POLR3F: variants seen among roughly 807,000 people sequenced by gnomAD.
The protein encoded by POLR3F is DNA-directed RNA polymerase III subunit RPC6.
In POLR3F, 31 loss-of-function variants were observed where a neutral mutation model predicts 43.6. The ratio of observed to expected loss-of-function variants is 0.71; its 90% CI spans 0.53 to 0.96. The LOEUF (loss-of-function observed/expected upper bound fraction) is 0.96, where lower values mean the gene tolerates loss of function less well. Among genes scored for constraint, POLR3F ranks in the 40% least tolerant of loss-of-function variants. POLR3F has a pLI of 0.00. For synonymous variants in POLR3F, 114 were observed against 132.5 expected, an observed-to-expected ratio of 0.86 and a Z score of 0.96; for missense variants, 316 against 391.7, an observed-to-expected ratio of 0.81 and a Z score of 1.63.
chr20:18,478,742 C>G (rs6081158), intron 5 of POLR3F, among the ~76,000 whole-genome samples: 102,588 of 152,132 alleles, frequency 0.67, 36,279 homozygotes, highest in Non-Finnish European at 0.8. Context: ...ACATAAATCT[C>G]GTGCTGCCAA....
At position 18,467,465 on chromosome 20, in the gene POLR3F, C is replaced by T. The variant is rs1350567543; in HGVS notation, c.-42C>T. 3 of 1,611,396 alleles carry T rather than the reference C, an allele frequency of 1.9e-6. No homozygotes were observed. Among genetic ancestry groups the T allele is most frequent in the South Asian group, 2.2e-5 (2 of 91,042 alleles). The stretch of plus-strand genomic sequence containing the variant: ...GGTTCCCCGGCTTGCTACCGGGCTG[C>T]TCCGTGCATCTTTCCCCCCAGGCGT... On this transcript the variant is annotated 5_prime_UTR_variant, in exon 1 of 9. Coordinates refer to ENST00000377603, the MANE Select transcript of POLR3F (RefSeq NM_006466.4).
rs956720027 is a variant in POLR3F at position 18,467,412 on chromosome 20, C to A, written c.-95C>A. The A allele has an allele frequency of 2.9e-5, 40 of 1,388,156 alleles. No homozygotes were observed. The highest frequency in any genetic ancestry group is 6.9e-5 in the East Asian group (3 of 43,486). 86.0% of individuals were successfully genotyped at this position (1,388,156 alleles called of 1,614,324 possible). ...GAGGAAGAAGGCCCCTCGGCCTCAG[C>A]AGAGCGCTATCCTCCACTGGTTCCC... On this transcript the variant is annotated 5_prime_UTR_variant, in exon 1 of 9. Coordinates refer to ENST00000377603, the MANE Select transcript of POLR3F (RefSeq NM_006466.4).
rs1413876321 is a variant in POLR3F at position 18,480,425 on chromosome 20, A to G, written c.597A>G (p.Lys199=). 9 of 1,611,286 alleles carry G rather than the reference A, an allele frequency of 5.6e-6. No individual in the cohort carries two copies. The highest frequency in any genetic ancestry group is 7.6e-6 in the Non-Finnish European group (9 of 1,177,598). The change falls in exon 7 of 9, where the codon AAA becomes AAG. Residue 199 remains lysine, a synonymous_variant. Coordinates refer to ENST00000377603, the MANE Select transcript of POLR3F (RefSeq NM_006466.4). ...QSKAETARES[K]QNPMIQRNSS... is the part of the protein sequence containing the mutation. Reference sequence around the variant, plus strand: ...AGGCAGAAACAGCACGAGAAAGCAAACAGAACCCAATGATACAAAGAAATA... The same window carrying G: ...AGGCAGAAACAGCACGAGAAAGCAAGCAGAACCCAATGATACAAAGAAATA...
chr20:18,470,472 A>C (rs1053665077), intron 2 of POLR3F: 10 of 154,816 alleles, frequency 6.5e-5, no homozygotes, highest in African/African-American at 2.4e-4. Context: ...AAATGGCTAC[A>C]GCCATGTTCC....
At chr20:18,480,329 G>T in intron 6 of POLR3F, 73 bp from the exon 7 acceptor site, 1 of 1,260,792 alleles carries the variant, frequency 7.9e-7, no homozygotes, top group South Asian at 1.3e-5. Flanking sequence ...TTGTTGGTTT[G>T]ACTCAGTATA....
intron 7 of POLR3F, 29 bp from the exon 8 acceptor site, chr20:18,481,590 G>A (rs760376839): frequency 6.8e-7 from 1 of 1,463,918 alleles, no homozygotes; most frequent in South Asian, 1.1e-5. Flanking sequence ...TATCCTACTT[G>A]TGTCCTTTCT....
At chr20:18,469,502 G>A (rs1452139834) in intron 2 of POLR3F, 1 of 158,176 alleles carries the variant, frequency 6.3e-6, no homozygotes, top group Non-Finnish European at 1.4e-5. Flanking sequence ...AGCTTGCAGA[G>A]GGCAGATGAT....
chr20:18,475,300 C>A, intron 5 of POLR3F, 113 bp downstream of exon 5: 1 of 541,738 alleles, frequency 1.8e-6, no homozygotes, highest in Non-Finnish European at 3.4e-6. Flanking sequence ...AAATTTAGCT[C>A]ATGTTGGATT....
At chr20:18,481,903 C>T (rs1568582470) in intron 8 of POLR3F, 93 bp downstream of exon 8, 1 of 752,042 alleles carries the variant, frequency 1.3e-6, no homozygotes. Context: ...TTTTCTCAGA[C>T]TCTTAGGGTT....
At chr20:18,478,414 T>C (rs1255475711) in intron 5 of POLR3F, among the ~76,000 whole-genome samples, 1 of 151,990 alleles carries the variant, frequency 6.6e-6, no homozygotes, top group Non-Finnish European at 1.5e-5. Context: ...AGGGTTTTAC[T>C]ATGTTACCCA....
chr20:18,471,000 G>A (rs2148861263), intron 2 of POLR3F, among the ~76,000 whole-genome samples: 1 of 152,212 alleles, frequency 6.6e-6, no homozygotes, highest in Non-Finnish European at 1.5e-5. Context: ...TCTCAGAGAA[G>A]CCAGCCTGAT....
rs371495557 is a variant in POLR3F, at chr20:18,467,489, G to C, written c.-18G>C. On this transcript the variant is annotated 5_prime_UTR_variant, in exon 1 of 9. Coordinates refer to ENST00000377603, the MANE Select transcript of POLR3F (RefSeq NM_006466.4). ...GCTCCGTGCATCTTTCCCCCCAGGCGTCAGGAACTGCGCCCTCATGGCGGA... is the reference window on the plus strand; with the variant it reads ...GCTCCGTGCATCTTTCCCCCCAGGCCTCAGGAACTGCGCCCTCATGGCGGA... 7.4e-6 allele frequency: 12 copies of C among 1,614,156 alleles called. No homozygotes were observed. Among genetic ancestry groups the C allele is most frequent in the Non-Finnish European group, 1.0e-5 (12 of 1,179,960 alleles).
At position 18,478,732 on chromosome 20, in the gene POLR3F, A is replaced by T. The variant is rs551389844; in HGVS notation, c.430-1306A>T. 3.3e-5 allele frequency among the ~76,000 whole-genome samples: 5 copies of T among 152,346 alleles called. No homozygotes were observed. In the East Asian group the frequency reaches 9.6e-4, roughly 29 times the overall value. ...TATATATACAAGGGTTAATATGCGC[A>T]CATAAATCTCGTGCTGCCAACTGAG... is the stretch of plus-strand genomic sequence containing the variant. On this transcript the variant is annotated intron_variant, in intron 5 of 8. Coordinates refer to ENST00000377603, the MANE Select transcript of POLR3F (RefSeq NM_006466.4).
At chr20:18,480,933 G>C (rs146183148) in intron 7 of POLR3F, among the ~76,000 whole-genome samples, 4 of 152,138 alleles carry the variant, frequency 2.6e-5, no homozygotes, top group African/African-American at 7.2e-5. Flanking sequence ...AATTTCCTGG[G>C]CCTCAGATTT....
Position 18,472,828 on chromosome 20 carries a change from G to C in POLR3F, c.181-14G>C. 8.0e-7 allele frequency: 1 copy of C among 1,249,884 alleles called. No homozygotes were observed. 77.4% of individuals were successfully genotyped at this position (1,249,884 alleles called of 1,614,324 possible). A position where few individuals can be genotyped will look rare whatever the true frequency, so the allele number is the denominator to read the frequency against. The stretch of plus-strand genomic sequence containing the variant: ...AAATAACTGACTCCTGTTTTCTACT[G>C]TCTTAAAAACTAGGGTCAGTTGGAT... On this transcript the variant is annotated splice_polypyrimidine_tract_variant and intron_variant, in intron 2 of 8. Coordinates refer to ENST00000377603, the MANE Select transcript of POLR3F (RefSeq NM_006466.4).
intron 5 of POLR3F, among the ~76,000 whole-genome samples, chr20:18,478,273 T>C (rs1442553141): frequency 2.0e-5 from 3 of 151,698 alleles, no homozygotes; most frequent in Admixed American, 6.6e-5. Context: ...TGGAGTGCAG[T>C]GGCACAATCA....
At chr20:18,478,670 T>G (rs893608373) in intron 5 of POLR3F, among the ~76,000 whole-genome samples, 7 of 152,130 alleles carry the variant, frequency 4.6e-5, no homozygotes, top group African/African-American at 1.7e-4. Flanking sequence ...ATAAATAATA[T>G]AGATGGTTAT....
rs1404247667 is a variant in POLR3F, at chr20:18,473,393, A to G, written c.251A>G (p.Lys84Arg). Residue 84 changes from lysine to arginine, a missense_variant and splice_region_variant, in exon 4 of 9, where the codon AAA (lysine) becomes AGA (arginine). Transcript: ENST00000377603. ...YRIKDSQNAG[K>R]MKGSDNQEKL... Reference sequence around the variant, plus strand: ...AATTTTACTTTATTCCACTACAGTAAAATGAAGGGATCCGATAACCAAGAA... The same window carrying G: ...AATTTTACTTTATTCCACTACAGTAGAATGAAGGGATCCGATAACCAAGAA... 1 of 1,320,108 alleles carries G rather than the reference A, an allele frequency of 7.6e-7. No homozygotes were observed. The highest frequency in any genetic ancestry group is 1.2e-5 in the South Asian group (1 of 84,752). 81.8% of individuals were successfully genotyped at this position (1,320,108 alleles called of 1,614,324 possible).
At chr20:18,468,896 C>T (rs745574154) in intron 1 of POLR3F, 48 bp from the exon 2 acceptor site, 2 of 921,444 alleles carry the variant, frequency 2.2e-6, no homozygotes, top group African/African-American at 1.6e-5. Context: ...CCCACTGTCT[C>T]TTGAAACAGG....
Sources: allele counts gnomAD v4.1 joint callset (sites outside exome capture counted in the v4.1 genomes callset), GRCh38; gene constraint gnomAD v4.1.1; transcripts MANE v1.5; gene names NCBI Gene and HGNC (gene_info 2026-07-23, HGNC 2026-07-21).